The following TMEM135 variants were observed in gnomAD, a reference collection of about 807,000 sequenced individuals.
The protein encoded by TMEM135 is transmembrane protein 135, also known as peroxisomal membrane protein 52.
A neutral mutation model predicts 60.3 loss-of-function variants in TMEM135; 30 were observed. The ratio of observed to expected loss-of-function variants is 0.50; its 90% CI spans 0.37 to 0.68. TMEM135 has a LOEUF of 0.68. Among genes scored for constraint, TMEM135 ranks in the 30% least tolerant of loss-of-function variants. The pLI is 0.00. For synonymous variants in TMEM135, 190 were observed against 186.7 expected, an observed-to-expected ratio of 1.02 and a Z score of -0.14; for missense variants, 468 against 548.8, an observed-to-expected ratio of 0.85 and a Z score of 1.47.
chr11:87,261,000 A>G (rs986283413), intron 6 of TMEM135, among the ~76,000 whole-genome samples: 1 of 152,208 alleles, frequency 6.6e-6, no homozygotes, highest in Non-Finnish European at 1.5e-5. Flanking sequence ...CACATCAGGA[A>G]ATAACTTCTG....
chr11:87,233,999 T>C (rs984806762), intron 5 of TMEM135, among the ~76,000 whole-genome samples: 13 of 152,128 alleles, frequency 8.5e-5, no homozygotes, highest in African/African-American at 2.9e-4. Flanking sequence ...TTAAAAACTT[T>C]TTAAAAACTT....
At chr11:87,094,879 T>A in intron 4 of TMEM135, 1 of 158,532 alleles carries the variant, frequency 6.3e-6, no homozygotes, top group Non-Finnish European at 1.4e-5. Context: ...TCCATTCTTA[T>A]AGTTAGTGAT....
chr11:87,073,878 G>T (rs1335328309), intron 3 of TMEM135, among the ~76,000 whole-genome samples: 2 of 152,018 alleles, frequency 1.3e-5, no homozygotes, highest in Admixed American at 1.3e-4. Flanking sequence ...ATGCTAGCCA[G>T]GTTGGTCTCA....
chr11:87,285,153 G>C (rs1300307802), intron 6 of TMEM135, among the ~76,000 whole-genome samples: 1 of 152,188 alleles, frequency 6.6e-6, no homozygotes, highest in Non-Finnish European at 1.5e-5. Context: ...CAATCAAAAT[G>C]TACAATTGTT....
At chr11:87,183,390 C>T (rs1939569789) in intron 5 of TMEM135, among the ~76,000 whole-genome samples, 1 of 151,672 alleles carries the variant, frequency 6.6e-6, no homozygotes. Context: ...ATCTGCCTGC[C>T]TCAGCCTCCC....
Position 87,318,119 on chromosome 11 carries a change from C to A in TMEM135, c.1078-18C>A. 1.3e-6 allele frequency: 2 copies of A among 1,598,126 alleles called. No individual in the cohort carries two copies. The highest frequency in any genetic ancestry group is 2.2e-5 in the South Asian group (2 of 90,766). ...GAGGTTTTTTCTTTATAACTCTTGT[C>A]TTATGCTTGTTTTGCAGACAATGTA... On this transcript the variant is annotated intron_variant, in intron 12 of 14. Transcript: ENST00000305494.
rs142020768 is a variant in TMEM135, at chr11:87,112,343, C to T, written c.396+20948C>T. On this transcript the variant is annotated intron_variant, in intron 4 of 14. Transcript: ENST00000305494. ...ATAACTTATTTAATTTACATTCATT[C>T]AGTTAACTACTTAAGCCCTAAAAAA... is the stretch of plus-strand genomic sequence containing the variant. Among the ~76,000 whole-genome samples the T allele has an allele frequency of 3.8e-4, 58 of 151,876 alleles. No individual in the cohort carries two copies. The East Asian group carries it at 0.011, about 29-fold the overall frequency.
intron 4 of TMEM135, among the ~76,000 whole-genome samples, chr11:87,100,892 C>T (rs551110010): frequency 6.6e-6 from 1 of 151,962 alleles, no homozygotes; most frequent in Admixed American, 6.6e-5. Flanking sequence ...AAAGAGCCAT[C>T]AGATACAAGT....
At chr11:87,170,599 A>C (rs489247) in intron 5 of TMEM135, among the ~76,000 whole-genome samples, 2 of 151,962 alleles carry the variant, frequency 1.3e-5, no homozygotes, top group Admixed American at 1.3e-4. Context: ...CCCTGTTTGC[A>C]TGGGTATTCA....
chr11:87,091,065 A>T (rs1857194684), intron 3 of TMEM135, among the ~76,000 whole-genome samples: 1 of 152,086 alleles, frequency 6.6e-6, no homozygotes, highest in Non-Finnish European at 1.5e-5. Context: ...GTAGGAAATT[A>T]TACCACTCTT....
intron 6 of TMEM135, among the ~76,000 whole-genome samples, chr11:87,246,898 G>A (rs11494238): frequency 0.58 from 60,436 of 103,980 alleles, 19,334 homozygotes; most frequent in Middle Eastern, 0.69. Context: ...CTGGTGAGGA[G>A]CTGCGTTCCT....
intron 3 of TMEM135, among the ~76,000 whole-genome samples, chr11:87,079,248 C>T (rs1407783633): frequency 6.6e-6 from 1 of 152,114 alleles, no homozygotes; most frequent in Non-Finnish European, 1.5e-5. Flanking sequence ...TCAGGTGATC[C>T]ACCTGCCTCG....
chr11:87,059,271 G>A (rs910431615), intron 1 of TMEM135, among the ~76,000 whole-genome samples: 2 of 150,870 alleles, frequency 1.3e-5, no homozygotes, highest in Non-Finnish European at 2.9e-5. Context: ...TTTGATTATG[G>A]ATGAATATCC....
intron 5 of TMEM135, among the ~76,000 whole-genome samples, chr11:87,159,472 G>A (rs942025228): frequency 4.6e-5 from 7 of 152,184 alleles, no homozygotes; most frequent in Non-Finnish European, 1.0e-4. Context: ...AGAGTGATGT[G>A]TAGCATGCAT....
intron 5 of TMEM135, among the ~76,000 whole-genome samples, chr11:87,235,330 C>T (rs1057338827): frequency 1.3e-5 from 2 of 151,236 alleles, no homozygotes; most frequent in South Asian, 2.1e-4. Context: ...GTGTTTAGCA[C>T]AGAAAGATTT....
chr11:87,211,703 C>A (rs1278702460), intron 5 of TMEM135, among the ~76,000 whole-genome samples: 1 of 152,136 alleles, frequency 6.6e-6, no homozygotes, highest in Middle Eastern at 3.2e-3. Flanking sequence ...CATTGAAATT[C>A]TCTTGGGACA....
intron 5 of TMEM135, among the ~76,000 whole-genome samples, chr11:87,200,145 T>C (rs1280889944): frequency 5.3e-5 from 8 of 152,186 alleles, no homozygotes; most frequent in Non-Finnish European, 7.3e-5. Flanking sequence ...TAGTCTTAGA[T>C]AAGTAAAATA....
At chr11:87,310,854 T>C (rs1001204493) in intron 10 of TMEM135, among the ~76,000 whole-genome samples, 6 of 152,088 alleles carry the variant, frequency 3.9e-5, no homozygotes, top group East Asian at 1.9e-4. Context: ...ATAAAAGATA[T>C]GTGTTTTGAG....
intron 5 of TMEM135, among the ~76,000 whole-genome samples, chr11:87,195,130 A>G (rs1033198217): frequency 6.6e-6 from 1 of 152,226 alleles, no homozygotes; most frequent in Admixed American, 6.5e-5. Flanking sequence ...ACCAAGAAAC[A>G]TGAGTATTCT....
Sources: allele counts gnomAD v4.1 joint callset (sites outside exome capture counted in the v4.1 genomes callset), GRCh38; gene constraint gnomAD v4.1.1; transcripts MANE v1.5; gene names NCBI Gene and HGNC (gene_info 2026-07-23, HGNC 2026-07-21).